EVL: variants seen among roughly 807,000 people sequenced by gnomAD.
EVL encodes the protein Enah/Vasp-like, also known as ena/VASP-like protein.
A neutral mutation model predicts 59.6 loss-of-function variants in EVL; 21 were observed. That is an observed-to-expected ratio of 0.35 (90% confidence interval 0.25 to 0.51). The LOEUF is 0.51. Among genes scored for constraint, EVL ranks in the 20% least tolerant of loss-of-function variants. EVL has a pLI of 0.97. For synonymous variants in EVL, 198 were observed against 203.5 expected (o/e 0.97, Z 0.23); for missense variants, 462 against 546.6 (o/e 0.85, Z 1.54).
chr14:99,978,329 G>C (rs2060784279), intron 1 of EVL, among the ~76,000 whole-genome samples: 1 of 150,344 alleles, frequency 6.7e-6, no homozygotes, highest in Non-Finnish European at 1.5e-5. Context: ...GCGAACCCGG[G>C]AGGCGGAGCT....
intron 1 of EVL, among the ~76,000 whole-genome samples, chr14:100,028,150 T>TC (rs2061250466): frequency 6.6e-6 from 1 of 151,138 alleles, no homozygotes; most frequent in Non-Finnish European, 1.5e-5. Context: ...TTTTTTTTTT[T>TC]TGAGGAACCT....
At chr14:100,121,174 C>T (rs1218765393) in intron 3 of EVL, among the ~76,000 whole-genome samples, 1 of 152,186 alleles carries the variant, frequency 6.6e-6, no homozygotes, top group Non-Finnish European at 1.5e-5. Flanking sequence ...TACTAGCAGC[C>T]AGGAGCCTTC....
rs1477927398 is a variant in EVL, at chr14:99,993,790, C to T, written c.5+21733C>T. 2.1e-5 allele frequency among the ~76,000 whole-genome samples: 3 copies of T among 143,372 alleles called. No individual in the cohort carries two copies. The East Asian group carries it at 6.4e-4, about 31-fold the overall frequency. 94.1% of individuals were successfully genotyped at this position (143,372 alleles called of 152,430 possible). On this transcript the variant is annotated intron_variant, in intron 1 of 13. Transcript: ENST00000402714. Reference sequence around the variant, plus strand: ...TCACTGCAGCCTCTGCTTCTGGGTTCAAGCGATTCTTCTGCCTCAGCCTCC... The same window carrying T: ...TCACTGCAGCCTCTGCTTCTGGGTTTAAGCGATTCTTCTGCCTCAGCCTCC...
intron 1 of EVL, among the ~76,000 whole-genome samples, chr14:100,057,988 T>G (rs1253963397): frequency 6.6e-6 from 1 of 152,214 alleles, no homozygotes; most frequent in Non-Finnish European, 1.5e-5. Context: ...TCATGAAATG[T>G]CATTATTATA....
At chr14:99,980,965 G>A (rs1339128201) in intron 1 of EVL, among the ~76,000 whole-genome samples, 2 of 151,944 alleles carry the variant, frequency 1.3e-5, no homozygotes, top group African/African-American at 2.4e-5. Context: ...GCTGGGTGTG[G>A]TGTCACATGC....
intron 4 of EVL, 21 bp downstream of exon 4, chr14:100,123,623 G>T: frequency 1.2e-6 from 2 of 1,613,538 alleles, no homozygotes; most frequent in Non-Finnish European, 1.7e-6. Flanking sequence ...ACCCGCAGGG[G>T]CCAGGCTGGT....
intron 1 of EVL, among the ~76,000 whole-genome samples, chr14:100,027,289 A>G (rs2140211472): frequency 6.6e-6 from 1 of 152,310 alleles, no homozygotes; most frequent in Non-Finnish European, 1.5e-5. Context: ...TTTGAAATGT[A>G]CAATAAATTA....
Position 100,141,226 on chromosome 14 carries a change from G to A in EVL, c.1141G>A (p.Asp381Asn), listed in dbSNP as rs756298856. The A allele has an allele frequency of 7.4e-6, 12 of 1,613,872 alleles. No homozygotes were observed. The highest frequency in any genetic ancestry group is 1.7e-5 in the Admixed American group (1 of 60,026). The change falls in exon 12 of 14, where the codon GAC (aspartate) becomes AAC (asparagine). Residue 381 changes from aspartate to asparagine, a missense_variant. Asp to Asn is a conservative substitution (Grantham distance 23). Coordinates refer to ENST00000392920, the MANE Select transcript of EVL (RefSeq NM_016337.3). ...GAATGACATGGCCCTGGATGCCTTCGACTTGGACCGGATGAAGCAGGTGAG... is the reference window on the plus strand; with the variant it reads ...GAATGACATGGCCCTGGATGCCTTCAACTTGGACCGGATGAAGCAGGTGAG... ...SVNDMALDAF[D>N]LDRMKQEILE...
In EVL at chr14:100,014,614, G is replaced by A. The variant is rs972430621; in HGVS notation, c.5+42557G>A. Among the ~76,000 whole-genome samples the A allele has an allele frequency of 2.6e-5, 4 of 152,346 alleles. No homozygotes were observed. In the East Asian group the frequency reaches 7.7e-4, roughly 29 times the overall value. The stretch of plus-strand genomic sequence containing the variant: ...ACATGAGAGTGCAGATATCTCTTCA[G>A]TATACTGATTTCCTTTCTTTGGGGT... On this transcript the variant is annotated intron_variant, in intron 1 of 13. Coordinates refer to the EVL transcript ENST00000402714.
chr14:100,074,113 C>T (rs564699251), intron 1 of EVL, among the ~76,000 whole-genome samples: 2 of 152,248 alleles, frequency 1.3e-5, no homozygotes, highest in South Asian at 2.1e-4. Context: ...GGCTCAGGAG[C>T]GGGCCCTCAG....
chr14:100,019,549 G>T (rs1029583468), intron 1 of EVL: 2 of 822,932 alleles, frequency 2.4e-6, no homozygotes, highest in Non-Finnish European at 1.8e-6. Flanking sequence ...AATATTGGGG[G>T]GTGTGGAAAC....
chr14:100,107,242 G>T (rs1330583757), intron 3 of EVL: 5 of 398,574 alleles, frequency 1.3e-5, no homozygotes, highest in Non-Finnish European at 2.2e-5. Flanking sequence ...ATTACTCCAG[G>T]AGAGCAGGGC....
intron 1 of EVL, among the ~76,000 whole-genome samples, chr14:100,025,296 C>T (rs943940331): frequency 6.6e-6 from 1 of 152,162 alleles, no homozygotes; most frequent in Non-Finnish European, 1.5e-5. Flanking sequence ...CCTGTCTCCT[C>T]CACACCACTC....
intron 1 of EVL, among the ~76,000 whole-genome samples, chr14:100,013,946 T>C (rs1338800181): frequency 6.6e-6 from 1 of 152,242 alleles, no homozygotes; most frequent in Non-Finnish European, 1.5e-5. Context: ...TATTTTGATA[T>C]AGGCAGATAT....
At chr14:100,120,349 C>T (rs1325255958) in intron 3 of EVL, among the ~76,000 whole-genome samples, 1 of 152,238 alleles carries the variant, frequency 6.6e-6, no homozygotes, top group Non-Finnish European at 1.5e-5. Flanking sequence ...TGATGCGAGC[C>T]AGGCTATGAG....
chr14:100,111,076 TC>T (rs1344779791), intron 3 of EVL, among the ~76,000 whole-genome samples: 1 of 150,570 alleles, frequency 6.6e-6, no homozygotes, highest in Non-Finnish European at 1.5e-5. Flanking sequence ...AGGCACCCGC[TC>T]CACCCTGTCA....
At chr14:99,976,790 A>C (rs762436342) in intron 1 of EVL, among the ~76,000 whole-genome samples, 1 of 152,212 alleles carries the variant, frequency 6.6e-6, no homozygotes, top group Non-Finnish European at 1.5e-5. Flanking sequence ...CTTCTTCACC[A>C]GCACCTTTAC....
chr14:100,073,545 C>G (rs2140283359), intron 1 of EVL, among the ~76,000 whole-genome samples: 1 of 152,184 alleles, frequency 6.6e-6, no homozygotes, highest in South Asian at 2.1e-4. Flanking sequence ...GTCTCGAACT[C>G]CTGGGCTCAA....
chr14:100,063,626 A>T (rs1369351190), upstream of EVL, among the ~76,000 whole-genome samples: 2 of 152,220 alleles, frequency 1.3e-5, no homozygotes, highest in African/African-American at 4.8e-5. Context: ...TCAGCAGTTG[A>T]TAGAATAATT....
Sources: allele counts gnomAD v4.1 joint callset (sites outside exome capture counted in the v4.1 genomes callset), GRCh38; gene constraint gnomAD v4.1.1; transcripts MANE v1.5; gene names NCBI Gene and HGNC (gene_info 2026-07-23, HGNC 2026-07-21).